Variants in RSRC1 observed in about 807,000 individuals in gnomAD.
RSRC1 encodes arginine and serine rich coiled-coil 1, also known as serine/Arginine-related protein 53.
In RSRC1, 39 loss-of-function variants were observed where a neutral mutation model predicts 49.1. The observed-to-expected ratio is 0.79, with a 90% CI of 0.61 to 1.04. The LOEUF (loss-of-function observed/expected upper bound fraction) is 1.04. RSRC1 is among the 50% of genes least tolerant of loss of function. RSRC1 has a pLI of 0.00. For missense variants in RSRC1, 388 were observed against 402.4 expected, an observed-to-expected ratio of 0.96 and a Z score of 0.31; for synonymous variants, 143 against 130.8, an observed-to-expected ratio of 1.09 and a Z score of -0.63.
chr3:158,435,739 C>G (rs1353608161), intron 6 of RSRC1, among the ~76,000 whole-genome samples: 11 of 151,488 alleles, frequency 7.3e-5, no homozygotes, highest in African/African-American at 2.7e-4. Flanking sequence ...TGTAGATAAG[C>G]ATGTTTATAC....
At chr3:158,121,350 TTATAGA>T (rs1197199626) in intron 1 of RSRC1, among the ~76,000 whole-genome samples, 3 of 152,096 alleles carry the variant, frequency 2.0e-5, no homozygotes, top group African/African-American at 4.8e-5. Flanking sequence ...TGGATGTCTG[TTATAGA>T]TATAATATCT....
rs1313455036 is a variant in RSRC1, at chr3:158,460,935, C to T, written c.584C>T (p.Ala195Val). The T allele has an allele frequency of 1.3e-6, 2 of 1,581,084 alleles. No homozygotes were observed. Among genetic ancestry groups the T allele is most frequent in the African/African-American group, 1.4e-5 (1 of 73,486 alleles). Residue 195 changes from alanine to valine, a missense_variant and splice_region_variant, in exon 7 of 10, where the codon GCA (alanine) becomes GTA (valine). Physicochemically the swap from Ala to Val is moderately conservative, Grantham distance 64. Coordinates refer to ENST00000611884, the MANE Select transcript of RSRC1 (RefSeq NM_001271838.2). ...ARLQLVLEAA[A>V]KADEALKAKE... ...AAAAATTGTATTGTTTTTGTTTCAG[C>T]AAAAGCTGATGAAGCATTGAAAGCC...
rs1453477507 is a variant in RSRC1, at chr3:158,354,839, T to C, written c.532-18T>C. ...TAAAAGTCTTGTATGGTTGAATTTT[T>C]TTTTTTTTCTTTTTTAGCCACCAGC... On this transcript the variant is annotated intron_variant, in intron 5 of 9. Coordinates refer to ENST00000611884, the MANE Select transcript of RSRC1 (RefSeq NM_001271838.2). 6.5e-7 allele frequency: 1 copy of C among 1,536,290 alleles called. No individual in the cohort carries two copies. Among genetic ancestry groups the C allele is most frequent in the Non-Finnish European group, 8.7e-7 (1 of 1,143,196 alleles).
intron 4 of RSRC1, among the ~76,000 whole-genome samples, chr3:158,284,708 T>G (rs1726403733): frequency 6.6e-6 from 1 of 152,114 alleles, no homozygotes; most frequent in Non-Finnish European, 1.5e-5. Flanking sequence ...GAAGTGTCTG[T>G]TCACGTCCTT....
chr3:158,219,385 A>C (rs1028749742), intron 4 of RSRC1, among the ~76,000 whole-genome samples: 1 of 151,424 alleles, frequency 6.6e-6, no homozygotes, highest in Non-Finnish European at 1.5e-5. Context: ...AAGGGCTTAC[A>C]TACAGTACAG....
At chr3:158,211,436 C>G (rs1370031187) in intron 4 of RSRC1, among the ~76,000 whole-genome samples, 1 of 151,862 alleles carries the variant, frequency 6.6e-6, no homozygotes, top group Non-Finnish European at 1.5e-5. Flanking sequence ...ACGTAGGCTA[C>G]CAAAAATCTA....
chr3:158,284,579 G>T (rs1175005117), intron 4 of RSRC1, among the ~76,000 whole-genome samples: 2 of 144,422 alleles, frequency 1.4e-5, no homozygotes, highest in Non-Finnish European at 3.0e-5. Flanking sequence ...TTTAATGATT[G>T]CCATTCTAAC....
At chr3:158,438,262 C>T (rs1396128882) in intron 6 of RSRC1, among the ~76,000 whole-genome samples, 2 of 152,224 alleles carry the variant, frequency 1.3e-5, no homozygotes, top group East Asian at 1.9e-4. Flanking sequence ...TTTATAGATA[C>T]AATGCCATCC....
chr3:158,268,074 T>G (rs774153183), intron 4 of RSRC1, among the ~76,000 whole-genome samples: 26 of 152,146 alleles, frequency 1.7e-4, no homozygotes, highest in Non-Finnish European at 3.5e-4. Context: ...TAGTCTTTTC[T>G]GTTTCTATGT....
chr3:158,457,249 G>A (rs559568194), intron 6 of RSRC1, among the ~76,000 whole-genome samples: 45 of 152,138 alleles, frequency 3.0e-4, no homozygotes, highest in Non-Finnish European at 5.1e-4. Flanking sequence ...AGGAATGAAT[G>A]GATTCTAGAT....
chr3:158,177,784 G>A (rs770342533), intron 3 of RSRC1, among the ~76,000 whole-genome samples: 20 of 152,036 alleles, frequency 1.3e-4, no homozygotes, highest in Non-Finnish European at 2.4e-4. Context: ...AGAACTTAAA[G>A]TTTAAAAACA....
At chr3:158,372,726 T>C (rs1386949248) in intron 6 of RSRC1, among the ~76,000 whole-genome samples, 1 of 151,986 alleles carries the variant, frequency 6.6e-6, no homozygotes, top group African/African-American at 2.4e-5. Flanking sequence ...TAAAATTTTT[T>C]TAATTTTAAA....
intron 7 of RSRC1, among the ~76,000 whole-genome samples, chr3:158,474,826 T>C (rs916316843): frequency 2.0e-5 from 3 of 152,200 alleles, no homozygotes. Context: ...TGAATTCTTA[T>C]GTCATAGTTT....
chr3:158,314,583 T>A (rs901735800), intron 5 of RSRC1, among the ~76,000 whole-genome samples: 1 of 152,130 alleles, frequency 6.6e-6, no homozygotes, highest in African/African-American at 2.4e-5. Context: ...ATGTATAGTT[T>A]AGTGCTACAG....
At chr3:158,211,794 AC>A (rs1467237832) in intron 4 of RSRC1, among the ~76,000 whole-genome samples, 2 of 146,624 alleles carry the variant, frequency 1.4e-5, no homozygotes, top group African/African-American at 2.5e-5. Flanking sequence ...GAAGACTAGT[AC>A]TATGTAGTAG....
intron 7 of RSRC1, among the ~76,000 whole-genome samples, chr3:158,510,014 T>G (rs1194333392): frequency 6.6e-6 from 1 of 152,158 alleles, no homozygotes; most frequent in Non-Finnish European, 1.5e-5. Flanking sequence ...CCACATTGTT[T>G]CCAAAGTGAT....
intron 4 of RSRC1, among the ~76,000 whole-genome samples, chr3:158,261,683 AT>A (rs1724902808): frequency 6.6e-6 from 1 of 152,152 alleles, no homozygotes; most frequent in Non-Finnish European, 1.5e-5. Flanking sequence ...GCAGTATTAG[AT>A]TCTCATAGGA....
At chr3:158,228,794 T>TATAAACACACATAC (rs1722669457) in intron 4 of RSRC1, among the ~76,000 whole-genome samples, 1 of 151,584 alleles carries the variant, frequency 6.6e-6, no homozygotes, top group Non-Finnish European at 1.5e-5. Flanking sequence ...TGTATATATA[T>TATAAACACACATAC]GTGTGTATAT....
intron 6 of RSRC1, among the ~76,000 whole-genome samples, chr3:158,378,039 A>T (rs1732470839): frequency 6.6e-6 from 1 of 151,740 alleles, no homozygotes; most frequent in Admixed American, 6.6e-5. Flanking sequence ...TTTTTCTCTG[A>T]GTTTTCAGGT....
Sources: gnomAD v4.1 joint callset for allele counts (sites outside exome capture counted in the v4.1 genomes callset) on GRCh38, gnomAD v4.1.1 for gene constraint, MANE v1.5 for transcripts, NCBI Gene and HGNC (gene_info 2026-07-23, HGNC 2026-07-21) for gene names.